The following TMF1 variants were observed in gnomAD, a reference collection of about 807,000 sequenced individuals.
The protein encoded by TMF1 is TATA element modulatory factor.
TMF1 carries 71 observed loss-of-function variants against 126.5 expected under a neutral mutation model. The ratio of observed to expected loss-of-function variants is 0.56; its 90% CI spans 0.46 to 0.68. The LOEUF (loss-of-function observed/expected upper bound fraction) is 0.68. Among genes scored for constraint, TMF1 ranks in the 30% least tolerant of loss-of-function variants. The pLI is 0.00. For synonymous variants in TMF1, 461 were observed against 430.5 expected (o/e 1.07, Z -0.88); for missense variants, 1,259 against 1,253.2 (o/e 1.00, Z -0.07).
rs1490263468 is a variant in TMF1 at position 69,021,272 on chromosome 3, C to G, written c.*1905G>C. The G allele has an allele frequency of 1.3e-5, 2 of 152,602 alleles. No individual in the cohort carries two copies. The highest frequency in any genetic ancestry group is 4.8e-5 in the African/African-American group (2 of 41,424). The allele number at this position is 152,602 out of a possible 1,614,324, so 9.5% of individuals were successfully genotyped here. On this transcript the variant is annotated 3_prime_UTR_variant, in exon 17 of 17. Coordinates refer to ENST00000398559, the MANE Select transcript of TMF1 (RefSeq NM_007114.3). ...AAAACAGTGTATAGAGGTGTCTATA[C>G]TATCCATGGTTTCAGACGTTCACTG...
At chr3:69,028,441 G>A (rs766232535) in intron 11 of TMF1, 146 bp from the exon 12 acceptor site, 10 of 577,902 alleles carry the variant, frequency 1.7e-5, no homozygotes, top group Non-Finnish European at 2.4e-5. Flanking sequence ...TTCCAACAGT[G>A]TGTTCCAGAT....
intron 10 of TMF1, among the ~76,000 whole-genome samples, chr3:69,031,291 T>C (rs1413543914): frequency 6.6e-6 from 1 of 152,082 alleles, no homozygotes; most frequent in Non-Finnish European, 1.5e-5. Context: ...AAGGGTAACA[T>C]TAAGAGTGAT....
chr3:69,029,884 T>C lies in TMF1; in HGVS notation c.2525A>G (p.Asn842Ser). The C allele has an allele frequency of 6.2e-7, 1 of 1,614,136 alleles. No homozygotes were observed. Among genetic ancestry groups the C allele is most frequent in the Non-Finnish European group, 8.5e-7 (1 of 1,180,010 alleles). The change falls in exon 11 of 17, where the codon AAC becomes AGC. Residue 842 changes from asparagine (N) to serine (S), a missense_variant. Transcript: ENST00000398559. ...ESQNSLLRQE[N>S]SRFQAQLESE... ...TTCTAGCTGGGCTTGAAATCTACTG[T>C]TTTCCTGTCTTAAAAGAGAATTCTG...
In TMF1 at chr3:69,025,594, A is replaced by G. The variant is rs200527724; in HGVS notation, c.2978T>C (p.Leu993Pro). The G allele has an allele frequency of 5.0e-6, 8 of 1,613,854 alleles. No individual in the cohort carries two copies. The Admixed American group carries it at 8.3e-5, about 17-fold the overall frequency. ...SSIIENLQSQ[L>P]KLREGEITHL... ...AGTGATTTCCCCTTCCCTTAGCTTT[A>G]GCTGAGACTGTAGGTTTTCAATTAT... Residue 993 changes from leucine (L) to proline (P), a missense_variant, in exon 15 of 17, where the codon CTA (leucine) becomes CCA (proline). Leu to Pro is a moderately conservative substitution (Grantham distance 98). Transcript: ENST00000398559.
Position 69,048,232 on chromosome 3 carries a change from CACAA to C in TMF1, c.469_472del (p.Leu157ValfsTer30). 2 of 1,614,216 alleles carry C rather than the reference CACAA, an allele frequency of 1.2e-6. No homozygotes were observed. The highest frequency in any genetic ancestry group is 1.7e-6 in the Non-Finnish European group (2 of 1,180,034). Reference sequence around the variant, plus strand: ...TGCTGCCAGAGTTTCCCCTGAAACACACAAAGAAGAGTCTTTTACTTGTGATTCA... The same window carrying C: ...TGCTGCCAGAGTTTCCCCTGAAACACAGAAGAGTCTTTTACTTGTGATTCA... On this transcript the variant is annotated frameshift_variant, in exon 2 of 17. Transcript: ENST00000398559. LOFTEE classifies it high-confidence loss of function.
chr3:69,023,949 T>C (rs908792095), intron 16 of TMF1, 106 bp downstream of exon 16: 25 of 1,120,668 alleles, frequency 2.2e-5, no homozygotes, highest in Non-Finnish European at 3.0e-5. Flanking sequence ...TTAGTACTCT[T>C]TAATTTTCAA....
At chr3:69,038,813 A>G (rs536608213) in intron 7 of TMF1, 30 bp downstream of exon 7, 1 of 1,583,980 alleles carries the variant, frequency 6.3e-7, no homozygotes, top group Non-Finnish European at 8.6e-7. Context: ...ATTCATTCTA[A>G]ATGGGTTGCA....
Position 69,052,280 on chromosome 3 carries a change from G to A in TMF1, c.-194C>T, listed in dbSNP as rs1575823683. The A allele has an allele frequency of 4.0e-6, 2 of 502,456 alleles. No individual in the cohort carries two copies. The highest frequency in any genetic ancestry group is 3.6e-5 in the East Asian group (1 of 27,894). The allele number at this position is 502,456 out of a possible 1,614,324, so 31.1% of individuals were successfully genotyped here. A position where few individuals can be genotyped will look rare whatever the true frequency, so the allele number is the denominator to read the frequency against. On this transcript the variant is annotated 5_prime_UTR_variant, in exon 1 of 17. Transcript: ENST00000398559. The stretch of plus-strand genomic sequence containing the variant: ...CGTTCCCGCACAGCTGAGACGAAGG[G>A]GGCCCATGTGCGCATGCGCTTGCTT...
At chr3:69,030,212 T>C (rs142338779) in intron 10 of TMF1, 35 of 451,320 alleles carry the variant, frequency 7.8e-5, no homozygotes, top group African/African-American at 6.6e-4. Context: ...CCAAAAGTAT[T>C]TTAATTTCAA....
Position 69,022,999 on chromosome 3 carries a change from C to A in TMF1, c.*178G>T. On this transcript the variant is annotated 3_prime_UTR_variant, in exon 17 of 17. Coordinates refer to ENST00000398559, the MANE Select transcript of TMF1 (RefSeq NM_007114.3). ...TTTCAAAAATAAAGTTCAAATATTG[C>A]ACAAAATAATTTAACTGTAAATATT... 2 of 466,014 alleles carry A rather than the reference C, an allele frequency of 4.3e-6. No individual in the cohort carries two copies. The highest frequency in any genetic ancestry group is 7.3e-6 in the Non-Finnish European group (2 of 272,160). The allele number at this position is 466,014 out of a possible 1,614,324, so 28.9% of individuals were successfully genotyped here. A position where few individuals can be genotyped will look rare whatever the true frequency, so the allele number is the denominator to read the frequency against.
intron 9 of TMF1, 162 bp downstream of exon 9, chr3:69,034,861 G>A (rs191093651): frequency 1.1e-4 from 71 of 641,372 alleles, no homozygotes; most frequent in Admixed American, 7.4e-4. Flanking sequence ...AATTTTTAAG[G>A]TGCCCACTCT....
chr3:69,048,577 TA>T lies in TMF1; in HGVS notation c.143-16del, dbSNP rs781454444. On this transcript the variant is annotated splice_polypyrimidine_tract_variant and intron_variant, in intron 1 of 16. Coordinates refer to ENST00000398559, the MANE Select transcript of TMF1 (RefSeq NM_007114.3). ...GGAACTTATTCCTTTAACAAAAAAG[TA>T]AATATTAAAAAAGAACACATATATG... is the stretch of plus-strand genomic sequence containing the variant. 166 of 1,549,106 alleles carry T rather than the reference TA, an allele frequency of 1.1e-4. 1 individual carries two copies. The African/African-American group carries it at 2.0e-3, about 19-fold the overall frequency.
At chr3:69,025,754 T>A in intron 14 of TMF1, 42 bp from the exon 15 acceptor site, 2 of 1,578,612 alleles carry the variant, frequency 1.3e-6, no homozygotes, top group Non-Finnish European at 1.7e-6. Flanking sequence ...TCAGTTATCA[T>A]AGCTTGTCTT....
chr3:69,046,057 C>T lies in TMF1; in HGVS notation c.1347+1301G>A, dbSNP rs552335311. ...AGCAACAAAGAGAGACCCTGTGAGCCGCGATCGCACCACTGCACGCTAGCC... is the reference window on the plus strand; with the variant it reads ...AGCAACAAAGAGAGACCCTGTGAGCTGCGATCGCACCACTGCACGCTAGCC... On this transcript the variant is annotated intron_variant, in intron 2 of 16. Coordinates refer to ENST00000398559, the MANE Select transcript of TMF1 (RefSeq NM_007114.3). Among the ~76,000 whole-genome samples the T allele has an allele frequency of 6.6e-5, 10 of 152,126 alleles. No individual in the cohort carries two copies. In the South Asian group the frequency reaches 1.5e-3, roughly 22 times the overall value.
At chr3:69,034,244 G>T (rs531086732) in intron 9 of TMF1, among the ~76,000 whole-genome samples, 20 of 152,106 alleles carry the variant, frequency 1.3e-4, no homozygotes, top group Non-Finnish European at 2.6e-4. Context: ...AGGCTGAGGT[G>T]GGTGGATCAC....
intron 9 of TMF1, 104 bp downstream of exon 9, chr3:69,034,919 A>G (rs1033539545): frequency 2.9e-6 from 3 of 1,041,954 alleles, no homozygotes; most frequent in African/African-American, 3.1e-5. Context: ...TAGGTGTGAC[A>G]GTAATCCTCT....
intron 9 of TMF1, 61 bp from the exon 10 acceptor site, chr3:69,033,765 G>T: frequency 7.0e-7 from 1 of 1,433,622 alleles, no homozygotes; most frequent in Non-Finnish European, 9.4e-7. Flanking sequence ...AAAAACACTA[G>T]CAAACCTGAA....
intron 9 of TMF1, 76 bp from the exon 10 acceptor site, chr3:69,033,780 G>C: frequency 7.7e-7 from 1 of 1,293,804 alleles, no homozygotes; most frequent in East Asian, 2.5e-5. Context: ...CCTGAACTTT[G>C]AGAGGTTCCT....
At chr3:69,039,792 T>A (rs1452764800) in intron 5 of TMF1, 99 bp from the exon 6 acceptor site, 1 of 1,361,100 alleles carries the variant, frequency 7.3e-7, no homozygotes, top group South Asian at 1.4e-5. Flanking sequence ...ACAGAATTTT[T>A]TTAAATTACA....
Sources: allele counts gnomAD v4.1 joint callset (sites outside exome capture counted in the v4.1 genomes callset), GRCh38; gene constraint gnomAD v4.1.1; transcripts MANE v1.5; gene names NCBI Gene and HGNC (gene_info 2026-07-23, HGNC 2026-07-21).